SNURF: variants seen among roughly 807,000 people sequenced by gnomAD.
SNURF encodes SNURF protein.
SNURF carries 6 observed loss-of-function variants against 11.6 expected under a neutral mutation model. That is an observed-to-expected ratio of 0.52 (90% CI 0.28 to 1.02). The LOEUF is 1.02. Among genes scored for constraint, SNURF ranks in the 50% least tolerant of loss-of-function variants. SNURF has a pLI of 0.09. For missense variants in SNURF, 84 were observed against 88.4 expected, an observed-to-expected ratio of 0.95 and a Z score of 0.20; for synonymous variants, 29 against 31.6, an observed-to-expected ratio of 0.92 and a Z score of 0.27.
At chr15:24,959,354 C>CGGT (rs980027777) in intron 1 of SNURF, among the ~76,000 whole-genome samples, 9 of 152,094 alleles carry the variant, frequency 5.9e-5, no homozygotes, top group Non-Finnish European at 2.9e-5. Context: ...AAGCCAGGTG[C>CGGT]GGTGGCTCAT....
At chr15:24,957,100 C>T (rs932127644) in intron 1 of SNURF, among the ~76,000 whole-genome samples, 3 of 152,010 alleles carry the variant, frequency 2.0e-5, no homozygotes, top group African/African-American at 4.8e-5. Flanking sequence ...TTTTAACTCC[C>T]TGTAGTCTTT....
At chr15:24,967,135 AC>A (rs1278819601) in intron 2 of SNURF, 2 of 152,208 alleles carry the variant, frequency 1.3e-5, no homozygotes, top group Admixed American at 1.3e-4. Flanking sequence ...AGGATTGTTC[AC>A]ACAGGATAAT....
intron 2 of SNURF, chr15:24,966,995 G>A (rs1297343513): frequency 6.6e-6 from 1 of 152,084 alleles, no homozygotes; most frequent in Non-Finnish European, 1.5e-5. Flanking sequence ...TATTTTAAGA[G>A]CCCTTAAATA....
At chr15:24,966,351 C>T (rs2075635049) in intron 2 of SNURF, among the ~76,000 whole-genome samples, 1 of 152,160 alleles carries the variant, frequency 6.6e-6, no homozygotes, top group South Asian at 2.1e-4. Flanking sequence ...CCACACAAAT[C>T]TTCCCTGTCC....
intron 2 of SNURF, among the ~76,000 whole-genome samples, chr15:24,963,515 T>C (rs2075163336): frequency 6.6e-6 from 1 of 151,610 alleles, no homozygotes; most frequent in Admixed American, 6.6e-5. Context: ...CTTGGGAGGC[T>C]GAGGCAGGAG....
intron 2 of SNURF, among the ~76,000 whole-genome samples, chr15:24,966,190 A>G (rs2075603780): frequency 6.6e-6 from 1 of 152,192 alleles, no homozygotes; most frequent in Non-Finnish European, 1.5e-5. Flanking sequence ...CCAACAGTCT[A>G]TAGATTCTGA....
intron 3 of SNURF, among the ~76,000 whole-genome samples, chr15:24,973,896 A>G (rs2076763736): frequency 6.6e-6 from 1 of 152,220 alleles, no homozygotes; most frequent in Non-Finnish European, 1.5e-5. Context: ...AAGAAAGAAT[A>G]TTGCAAATGA....
intron 6 of SNURF, among the ~76,000 whole-genome samples, chr15:24,977,530 C>T (rs1002902327): frequency 3.3e-5 from 5 of 151,952 alleles, no homozygotes; most frequent in African/African-American, 1.2e-4. Flanking sequence ...ATCCCAGCTA[C>T]CAGGCAGGGA....
At chr15:24,962,323 C>A in intron 2 of SNURF, 114 bp downstream of exon 2, 1 of 812,932 alleles carries the variant, frequency 1.2e-6, no homozygotes, top group Non-Finnish European at 2.1e-6. Context: ...GCAGACACAT[C>A]TAATACAGAA....
intron 5 of SNURF, chr15:24,976,858 A>G: frequency 1.2e-6 from 2 of 1,604,008 alleles, no homozygotes; most frequent in Non-Finnish European, 1.7e-6. Context: ...ATTTTAGGCT[A>G]TGAATTTTCT....
chr15:24,958,075 C>G (rs1385590447), intron 1 of SNURF, among the ~76,000 whole-genome samples: 2 of 152,250 alleles, frequency 1.3e-5, no homozygotes, highest in Admixed American at 1.3e-4. Context: ...ATTCACAGAC[C>G]TTGCCTTATC....
At chr15:24,969,613 T>TAGGAATTTTTTAGCTTCTC (rs527246664), downstream of SNURF, among the ~76,000 whole-genome samples, 763 of 152,326 alleles carry the variant, frequency 5.0e-3, 5 homozygotes, top group African/African-American at 0.017. Flanking sequence ...TTTTACTTTT[T>TAGGAATTTTTTAGCTTCTC]AGGAATTTTT....
chr15:24,973,480 C>T (rs1179827666), downstream of SNURF, among the ~76,000 whole-genome samples: 2 of 152,164 alleles, frequency 1.3e-5, no homozygotes, highest in Non-Finnish European at 2.9e-5. Flanking sequence ...TCACTGCAAC[C>T]TCTGCCTCCC....
intron 2 of SNURF, among the ~76,000 whole-genome samples, chr15:24,965,653 C>T (rs545448782): frequency 6.6e-6 from 1 of 152,140 alleles, no homozygotes; most frequent in East Asian, 1.9e-4. Context: ...ATCGTGAGTT[C>T]GAAGGGAAAT....
chr15:24,967,878 C>A, intron 2 of SNURF, 54 bp from the exon 3 acceptor site: 1 of 1,451,450 alleles, frequency 6.9e-7, no homozygotes, highest in South Asian at 1.1e-5. Context: ...CATATGGTTT[C>A]CTATAAAGAC....
downstream of SNURF, chr15:24,977,960 A>C: frequency 6.7e-7 from 1 of 1,501,876 alleles, no homozygotes; most frequent in African/African-American, 1.4e-5. Flanking sequence ...ATCTCTGATG[A>C]GAGATAGCTT....
downstream of SNURF, among the ~76,000 whole-genome samples, chr15:24,969,903 C>T (rs1007578507): frequency 3.3e-5 from 5 of 152,100 alleles, no homozygotes; most frequent in South Asian, 2.1e-4. Context: ...ATTGGTGCTA[C>T]GGTGGTGCAG....
downstream of SNURF, chr15:24,978,430 C>A: frequency 2.5e-6 from 4 of 1,613,840 alleles, no homozygotes; most frequent in Non-Finnish European, 3.4e-6. Flanking sequence ...AGGAATGCGT[C>A]CACCAAGACC....
At chr15:24,973,086 G>A (rs149551820), downstream of SNURF, among the ~76,000 whole-genome samples, 359 of 152,034 alleles carry the variant, frequency 2.4e-3, no homozygotes, top group African/African-American at 8.3e-3. Context: ...TAGGGTTTTC[G>A]CCATGTTGGC....
Sources: gnomAD v4.1 joint callset for allele counts (sites outside exome capture counted in the v4.1 genomes callset) on GRCh38, gnomAD v4.1.1 for gene constraint, MANE v1.5 for transcripts, NCBI Gene and HGNC (gene_info 2026-07-23, HGNC 2026-07-21) for gene names.